DGKI: variants seen among roughly 807,000 people sequenced by gnomAD.
The protein encoded by DGKI is DAG kinase iota.
A neutral mutation model predicts 147.5 loss-of-function variants in DGKI; 55 were observed. That is an observed-to-expected ratio of 0.37 (90% CI 0.30 to 0.47). The LOEUF is 0.47. Ranked by LOEUF, DGKI falls within the 20% of genes least tolerant of loss-of-function variation. DGKI has a pLI of 1.00. For synonymous variants in DGKI, 469 were observed against 477.1 expected (o/e 0.98, Z 0.22); for missense variants, 1,007 against 1,323.8 (o/e 0.76, Z 3.71).
At chr7:137,489,779 G>A (rs1266772931) in intron 21 of DGKI, among the ~76,000 whole-genome samples, 2 of 152,110 alleles carry the variant, frequency 1.3e-5, no homozygotes, top group Non-Finnish European at 2.9e-5. Flanking sequence ...TTTAATCAAT[G>A]TTTATCCATT....
rs375901067 is a variant in DGKI at position 137,421,471 on chromosome 7, T to G, written c.2762-9264A>C. Among the ~76,000 whole-genome samples, 92 of 152,346 alleles carry G rather than the reference T, an allele frequency of 6.0e-4. No homozygotes were observed. In the South Asian group the frequency reaches 0.019, roughly 31 times the overall value. ...AGCTCCTATTAGCATGGAAGAGATT[T>G]CTGTTTGGAGAAAAAACAAACAGCC... On this transcript the variant is annotated intron_variant, in intron 28 of 32. Coordinates refer to ENST00000614521, the MANE Select transcript of DGKI (RefSeq NM_001321708.2).
intron 30 of DGKI, among the ~76,000 whole-genome samples, chr7:137,404,685 T>C (rs976537957): frequency 2.0e-5 from 3 of 152,138 alleles, no homozygotes; most frequent in Non-Finnish European, 2.9e-5. Context: ...ACTGTGAACA[T>C]TGTGTTTCTT....
chr7:137,633,246 G>A (rs1821197414), intron 6 of DGKI, among the ~76,000 whole-genome samples: 1 of 147,786 alleles, frequency 6.8e-6, no homozygotes, highest in Non-Finnish European at 1.5e-5. Flanking sequence ...AGGAGTCCTA[G>A]ACCAGGGCTG....
chr7:137,487,520 G>A, intron 22 of DGKI, 90 bp downstream of exon 22: 1 of 1,142,358 alleles, frequency 8.8e-7, no homozygotes, highest in Non-Finnish European at 1.3e-6. Flanking sequence ...CTCTCCAAAT[G>A]CATCATTTCA....
At chr7:137,446,995 T>C (rs1174515157) in intron 27 of DGKI, among the ~76,000 whole-genome samples, 1 of 152,214 alleles carries the variant, frequency 6.6e-6, no homozygotes, top group Non-Finnish European at 1.5e-5. Flanking sequence ...TCTGCCCTTA[T>C]AGTGTAAACT....
chr7:137,696,211 A>T (rs552512125), intron 1 of DGKI, among the ~76,000 whole-genome samples: 111 of 152,306 alleles, frequency 7.3e-4, no homozygotes, highest in African/African-American at 2.6e-3. Context: ...GGGGTTATTC[A>T]AACAGAAGAT....
chr7:137,605,137 G>A (rs546668980), intron 10 of DGKI, among the ~76,000 whole-genome samples: 22 of 151,756 alleles, frequency 1.4e-4, no homozygotes, highest in South Asian at 6.2e-4. Flanking sequence ...GTGAAACCCC[G>A]TCTCTACTAA....
intron 1 of DGKI, among the ~76,000 whole-genome samples, chr7:137,819,084 C>A (rs573078826): frequency 6.6e-6 from 1 of 152,074 alleles, no homozygotes; most frequent in African/African-American, 2.4e-5. Flanking sequence ...GTCAAAAGCA[C>A]GATCAAAGGC....
At chr7:137,598,879 G>T (rs963471662) in intron 11 of DGKI, among the ~76,000 whole-genome samples, 2 of 151,740 alleles carry the variant, frequency 1.3e-5, no homozygotes, top group African/African-American at 4.8e-5. Flanking sequence ...ATATATATAT[G>T]TATTATGGGA....
rs375259182 is a variant in DGKI at position 137,829,679 on chromosome 7, C to T, written c.401+16783G>A. Among the ~76,000 whole-genome samples, 13 of 152,304 alleles carry T rather than the reference C, an allele frequency of 8.5e-5. No homozygotes were observed. In the East Asian group the frequency reaches 2.1e-3, roughly 25 times the overall value. On this transcript the variant is annotated intron_variant, in intron 1 of 32. Transcript: ENST00000614521. The stretch of plus-strand genomic sequence containing the variant: ...TGCCCACTGTATTGAACGGCATAGC[C>T]TTTGTACTTAAAATAGGAAAATGCT...
chr7:137,703,847 A>G (rs1157395430), intron 1 of DGKI, among the ~76,000 whole-genome samples: 1 of 152,222 alleles, frequency 6.6e-6, no homozygotes, highest in Non-Finnish European at 1.5e-5. Context: ...CAAAGAAACA[A>G]GAAAGTATCA....
At chr7:137,628,155 A>T (rs958697544) in intron 6 of DGKI, among the ~76,000 whole-genome samples, 12 of 152,144 alleles carry the variant, frequency 7.9e-5, no homozygotes, top group African/African-American at 2.7e-4. Flanking sequence ...GGGTGAGTGT[A>T]TCTAGCCCCA....
intron 30 of DGKI, among the ~76,000 whole-genome samples, chr7:137,399,047 A>G (rs1189927751): frequency 6.6e-6 from 1 of 150,966 alleles, no homozygotes; most frequent in African/African-American, 2.4e-5. Context: ...TGCACACTCA[A>G]CCACATATTT....
At chr7:137,473,017 T>C (rs931416440) in intron 23 of DGKI, among the ~76,000 whole-genome samples, 1 of 152,110 alleles carries the variant, frequency 6.6e-6, no homozygotes, top group South Asian at 2.1e-4. Flanking sequence ...GAAAATTGGA[T>C]GTTATTTAGT....
At chr7:137,672,273 A>G (rs1354255789) in intron 3 of DGKI, among the ~76,000 whole-genome samples, 1 of 152,216 alleles carries the variant, frequency 6.6e-6, no homozygotes, top group Admixed American at 6.5e-5. Context: ...GGTTCCTAGC[A>G]CTGCCCTAAG....
chr7:137,700,873 C>T (rs949122764), intron 1 of DGKI, among the ~76,000 whole-genome samples: 3 of 148,006 alleles, frequency 2.0e-5, no homozygotes, highest in East Asian at 2.0e-4. Context: ...AGCGAAGCTC[C>T]GTCTCAAATA....
At chr7:137,512,526 C>T (rs188576827) in intron 21 of DGKI, among the ~76,000 whole-genome samples, 44 of 152,238 alleles carry the variant, frequency 2.9e-4, no homozygotes, top group African/African-American at 1.0e-3. Flanking sequence ...AGACAGCAAC[C>T]AAATGGACTA....
At chr7:137,761,195 G>C (rs1174884926) in intron 1 of DGKI, among the ~76,000 whole-genome samples, 1 of 152,192 alleles carries the variant, frequency 6.6e-6, no homozygotes, top group African/African-American at 2.4e-5. Context: ...CCAAGGTTAT[G>C]AAGAACTTCC....
intron 1 of DGKI, among the ~76,000 whole-genome samples, chr7:137,802,092 GC>G (rs1240511968): frequency 6.6e-6 from 1 of 152,184 alleles, no homozygotes; most frequent in Non-Finnish European, 1.5e-5. Context: ...GGCATTTGCA[GC>G]AACCCGGATG....
Sources: allele counts gnomAD v4.1 joint callset (sites outside exome capture counted in the v4.1 genomes callset), GRCh38; gene constraint gnomAD v4.1.1; transcripts MANE v1.5; gene names NCBI Gene and HGNC (gene_info 2026-07-23, HGNC 2026-07-21).